Variants in GPLD1 observed in about 807,000 individuals in gnomAD.
The protein encoded by GPLD1 is glycosylphosphatidylinositol specific phospholipase D1, also known as phosphatidylinositol-glycan-specific phospholipase D.
GPLD1 carries 84 observed loss-of-function variants against 112.6 expected under a neutral mutation model. The ratio of observed to expected loss-of-function variants is 0.75; its 90% CI spans 0.63 to 0.89. GPLD1 has a LOEUF of 0.89. Ranked by LOEUF, GPLD1 falls within the 40% of genes least tolerant of loss-of-function variation. The pLI is 0.00. For synonymous variants in GPLD1, 386 were observed against 403.8 expected, an observed-to-expected ratio of 0.96 and a Z score of 0.53; for missense variants, 1,044 against 1,051.5, an observed-to-expected ratio of 0.99 and a Z score of 0.10.
intron 4 of GPLD1, 40 bp downstream of exon 4, chr6:24,476,141 T>C (rs1434568034): frequency 4.5e-6 from 5 of 1,101,982 alleles, no homozygotes; most frequent in Non-Finnish European, 6.8e-6. Context: ...CATGGCAGGT[T>C]TGGTGCTAAA....
intron 13 of GPLD1, among the ~76,000 whole-genome samples, chr6:24,454,705 G>A (rs1307739598): frequency 6.6e-6 from 1 of 152,226 alleles, no homozygotes; most frequent in Non-Finnish European, 1.5e-5. Context: ...TTTAGTAGAG[G>A]CTCCTAGATG....
In GPLD1 at chr6:24,472,630, TCTC is replaced by T. The variant is rs1396727042; in HGVS notation, c.494_496del (p.Gly165del). The T allele has an allele frequency of 6.9e-6, 11 of 1,583,958 alleles. No homozygotes were observed. Among genetic ancestry groups the T allele is most frequent in the South Asian group, 3.3e-5 (3 of 90,448 alleles). ...ATTAAATTCAAACTGGCTCAACACA[TCTC>T]CTCCTAGGGTATGAGAAAAATATTG... On this transcript the variant is annotated inframe_deletion, in exon 7 of 25. Transcript: ENST00000230036.
downstream of GPLD1, chr6:24,425,146 T>G (rs1312382859): frequency 3.3e-5 from 5 of 152,218 alleles, no homozygotes; most frequent in Admixed American, 6.5e-5. Flanking sequence ...TTTAAGATTG[T>G]ATTTGATAAT....
rs201262653 is a variant in GPLD1 at position 24,479,799 on chromosome 6, T to C, written c.232+82A>G. ...CAATTAAAAATATATTGTACACACA[T>C]ATATATATATTTTTAAAGTCATAGC... On this transcript the variant is annotated intron_variant, in intron 3 of 24. Coordinates refer to ENST00000230036, the MANE Select transcript of GPLD1 (RefSeq NM_001503.4). 99 of 208,658 alleles carry C rather than the reference T, an allele frequency of 4.7e-4. No homozygotes were observed. Among genetic ancestry groups the C allele is most frequent in the South Asian group, 6.7e-4 (12 of 17,996 alleles). 12.9% of individuals were successfully genotyped at this position (208,658 alleles called of 1,614,324 possible).
rs768183647 is a variant in GPLD1, at chr6:24,446,881, T to G, written c.1777A>C (p.Thr593Pro). Residue 593 changes from threonine (T) to proline (P), a missense_variant, in exon 18 of 25, where the codon ACC becomes CCC. Transcript: ENST00000230036. ...SLHGVTVDNR[T>P]LLLVGSPTWK... ...GTCGGGCTCCCAACCAACAGCAAGG[T>G]TCTGTTGTCCACAGTGACACCGTGA... is the stretch of plus-strand genomic sequence containing the variant. 2.9e-5 allele frequency: 46 copies of G among 1,613,898 alleles called. No homozygotes were observed. Among genetic ancestry groups the G allele is most frequent in the Non-Finnish European group, 3.6e-5 (43 of 1,179,966 alleles).
At chr6:24,424,801 T>C (rs1194416576), downstream of GPLD1, 1 of 152,170 alleles carries the variant, frequency 6.6e-6, no homozygotes, top group East Asian at 1.9e-4. Flanking sequence ...CCTGATGATA[T>C]TGAGGGTACA....
chr6:24,487,825 G>A (rs1335071989), intron 1 of GPLD1, among the ~76,000 whole-genome samples: 6 of 152,096 alleles, frequency 3.9e-5, no homozygotes, highest in Non-Finnish European at 5.9e-5. Flanking sequence ...AAAGAACGCC[G>A]GACCAGCTGT....
intron 1 of GPLD1, among the ~76,000 whole-genome samples, chr6:24,486,838 A>G (rs970877889): frequency 3.3e-5 from 5 of 152,108 alleles, no homozygotes; most frequent in African/African-American, 1.2e-4. Flanking sequence ...AGAAACTGTC[A>G]TCATATTTTG....
Position 24,431,775 on chromosome 6 carries a change from T to C in GPLD1, c.2436+1412A>G, listed in dbSNP as rs551828918. Among the ~76,000 whole-genome samples the C allele has an allele frequency of 8.6e-5, 13 of 151,684 alleles. No homozygotes were observed. In the South Asian group the frequency reaches 2.7e-3, roughly 32 times the overall value. On this transcript the variant is annotated intron_variant, in intron 24 of 24. Transcript: ENST00000230036. ...GTCTTGAACTCCTGACCTCAGGCGA[T>C]CCACCAACCTCGGCTTCTCAAAGTG... is the stretch of plus-strand genomic sequence containing the variant.
intron 20 of GPLD1, among the ~76,000 whole-genome samples, chr6:24,438,954 T>G (rs1324621899): frequency 6.6e-6 from 1 of 152,132 alleles, no homozygotes; most frequent in South Asian, 2.1e-4. Context: ...GCCTAATTTT[T>G]TGTATTTTTA....
At chr6:24,434,905 A>G (rs1762521712) in intron 22 of GPLD1, among the ~76,000 whole-genome samples, 1 of 151,876 alleles carries the variant, frequency 6.6e-6, no homozygotes, top group African/African-American at 2.4e-5. Flanking sequence ...CCTGAGCTCA[A>G]GGGATCCTCC....
At chr6:24,475,530 ACT>A (rs1270613418) in intron 4 of GPLD1, among the ~76,000 whole-genome samples, 3 of 126,334 alleles carry the variant, frequency 2.4e-5, no homozygotes, top group African/African-American at 3.3e-5. Flanking sequence ...ACAGAGCAAG[ACT>A]CTGTCTCAAA....
rs377256413 is a variant in GPLD1 at position 24,454,060 on chromosome 6, G to T, written c.1290C>A (p.Asp430Glu). 1 of 1,613,342 alleles carries T rather than the reference G, an allele frequency of 6.2e-7. No individual in the cohort carries two copies. Among genetic ancestry groups the T allele is most frequent in the Non-Finnish European group, 8.5e-7 (1 of 1,179,458 alleles). The change falls in exon 14 of 25, where the codon GAC (aspartate) becomes GAA (glutamate). Residue 430 changes from aspartate (D) to glutamate (E), a missense_variant. Asp to Glu is a conservative substitution (Grantham distance 45). Coordinates refer to ENST00000230036, the MANE Select transcript of GPLD1 (RefSeq NM_001503.4). Reference sequence around the variant, plus strand: ...TGTGGGCCTCCTTGTCCAGGTCCAGGTCAACAGGTGGCAGGCCCAGGTCAT... The same window carrying T: ...TGTGGGCCTCCTTGTCCAGGTCCAGTTCAACAGGTGGCAGGCCCAGGTCAT... ...YGNDLGLPPV[D>E]LDLDKEAHRI...
Position 24,435,113 on chromosome 6 carries a change from GC to G in GPLD1, c.2358+1462del, listed in dbSNP as rs1342579480. Among the ~76,000 whole-genome samples, 67 of 150,694 alleles carry G rather than the reference GC, an allele frequency of 4.4e-4. 1 individual carries two copies. Among genetic ancestry groups the G allele is most frequent in the African/African-American group, 1.5e-3 (63 of 40,992 alleles). On this transcript the variant is annotated intron_variant, in intron 22 of 24. Coordinates refer to ENST00000230036, the MANE Select transcript of GPLD1 (RefSeq NM_001503.4). ...TGCAAGCTCCGCCTCCCGGGTTCAC[GC>G]CATTCTCCTGCCTCAGCCTCCCGAG...
intron 2 of GPLD1, among the ~76,000 whole-genome samples, chr6:24,484,819 G>A (rs1043500002): frequency 2.6e-5 from 4 of 152,108 alleles, no homozygotes; most frequent in East Asian, 1.9e-4. Context: ...TGAATCTTAC[G>A]ACTAAAAGTA....
chr6:24,485,149 C>G (rs970771002), intron 2 of GPLD1, among the ~76,000 whole-genome samples: 2 of 152,168 alleles, frequency 1.3e-5, no homozygotes, highest in Admixed American at 6.5e-5. Context: ...ATAAATACTT[C>G]CTTCTCCTCC....
intron 20 of GPLD1, among the ~76,000 whole-genome samples, chr6:24,441,813 C>T (rs1383251764): frequency 6.6e-6 from 1 of 152,082 alleles, no homozygotes; most frequent in Non-Finnish European, 1.5e-5. Flanking sequence ...AGGGGCCCTG[C>T]ATTTTTATTT....
intron 1 of GPLD1, among the ~76,000 whole-genome samples, chr6:24,488,485 C>T (rs1222499876): frequency 6.6e-6 from 1 of 151,884 alleles, no homozygotes; most frequent in Non-Finnish European, 1.5e-5. Context: ...AGAATGTTAT[C>T]ACAGCTAATT....
At chr6:24,445,898 G>A in intron 18 of GPLD1, 67 bp from the exon 19 acceptor site, 2 of 1,145,262 alleles carry the variant, frequency 1.7e-6, no homozygotes, top group Non-Finnish European at 1.3e-6. Flanking sequence ...GTACTCAGGA[G>A]CAAGGAAAGG....
Sources: allele counts gnomAD v4.1 joint callset (sites outside exome capture counted in the v4.1 genomes callset), GRCh38; gene constraint gnomAD v4.1.1; transcripts MANE v1.5; gene names NCBI Gene and HGNC (gene_info 2026-07-23, HGNC 2026-07-21).